ARHGEF17: variants seen among roughly 807,000 people sequenced by gnomAD.
The protein encoded by ARHGEF17 is Rho guanine nucleotide exchange factor 17, also known as 164 kDa Rho-specific guanine-nucleotide exchange factor.
Under a neutral mutation model 174.0 loss-of-function variants are expected in ARHGEF17, and 80 were observed. The observed-to-expected ratio is 0.46, with a 90% CI of 0.38 to 0.55. ARHGEF17 has a LOEUF of 0.55. Among genes scored for constraint, ARHGEF17 ranks in the 20% least tolerant of loss-of-function variants. The pLI is 0.00. For missense variants in ARHGEF17, 2,886 were observed against 2,839.7 expected (o/e 1.02, Z -0.37); for synonymous variants, 1,311 against 1,189.1 (o/e 1.10, Z -2.11).
In ARHGEF17 at chr11:73,311,207, C is replaced by T. The variant is rs772960420; in HGVS notation, c.2569C>T (p.Leu857=). 1 of 1,600,896 alleles carries T rather than the reference C, an allele frequency of 6.2e-7. No homozygotes were observed. Among genetic ancestry groups the T allele is most frequent in the Non-Finnish European group, 8.5e-7 (1 of 1,171,192 alleles). The change falls in exon 1 of 21, where the codon CTG becomes TTG. Residue 857 remains leucine (L), a synonymous_variant. Transcript: ENST00000263674. Reference sequence around the variant, plus strand: ...GCCCATCCGAGAAGTTGAGCCCATGCTGCCTCCATCCAGCAGCGAGCCCAT... The same window carrying T: ...GCCCATCCGAGAAGTTGAGCCCATGTTGCCTCCATCCAGCAGCGAGCCCAT... ...GEPIREVEPM[L]PPSSSEPILV...
chr11:73,314,950 G>A (rs1339961366), intron 1 of ARHGEF17, among the ~76,000 whole-genome samples: 2 of 152,230 alleles, frequency 1.3e-5, no homozygotes, highest in Non-Finnish European at 2.9e-5. Flanking sequence ...CAGCATCATA[G>A]GCAGATGAAC....
At position 73,356,318 on chromosome 11, in the gene ARHGEF17, G is replaced by A; in HGVS notation, c.3807G>A (p.Gln1269=). ...EEAERHARVL[Q]EIEAHIEGME... Reference sequence around the variant, plus strand: ...CGGAGCGCCATGCCCGTGTGCTGCAGGAGATAGAGGCTCACATCGAGGGCA... The same window carrying A: ...CGGAGCGCCATGCCCGTGTGCTGCAAGAGATAGAGGCTCACATCGAGGGCA... Residue 1269 remains glutamine (Q), a synonymous_variant, in exon 6 of 21, where the codon CAG becomes CAA. Coordinates refer to ENST00000263674, the MANE Select transcript of ARHGEF17 (RefSeq NM_014786.4). 1 of 1,612,778 alleles carries A rather than the reference G, an allele frequency of 6.2e-7. No homozygotes were observed. Among genetic ancestry groups the A allele is most frequent in the Non-Finnish European group, 8.5e-7 (1 of 1,180,014 alleles).
In ARHGEF17 at chr11:73,360,926, A is replaced by T. The variant is rs117998899; in HGVS notation, c.4421-162A>T. Among the ~76,000 whole-genome samples, 928 of 152,322 alleles carry T rather than the reference A, an allele frequency of 6.1e-3. 9 individuals are homozygous for T. The highest frequency in any genetic ancestry group is 0.027 in the Middle Eastern group (8 of 294). On this transcript the variant is annotated intron_variant, in intron 11 of 20. Transcript: ENST00000263674. ...AGACAATACACATGGGAAAAGATTG[A>T]GGCCAGGAGCAACTGCCTTATTCTA...
intron 2 of ARHGEF17, chr11:73,347,213 C>T (rs571380098): frequency 1.6e-5 from 9 of 566,138 alleles, no homozygotes; most frequent in South Asian, 7.9e-5. Flanking sequence ...TGTTCTTCCA[C>T]GTCCCCCTGG....
Position 73,357,206 on chromosome 11 carries a change from C to T in ARHGEF17, c.4002-36C>T, listed in dbSNP as rs200926702. 460 of 1,612,884 alleles carry T rather than the reference C, an allele frequency of 2.9e-4. 1 individual carries two copies. In the African/African-American group the frequency reaches 3.1e-3, roughly 11 times the overall value. On this transcript the variant is annotated intron_variant, in intron 8 of 20. Coordinates refer to ENST00000263674, the MANE Select transcript of ARHGEF17 (RefSeq NM_014786.4). ...TTGTCCCTCTCTGAGCCCCACTCCCCGACCCTGGCCAGAGCGCCCCATTGG... is the reference window on the plus strand; with the variant it reads ...TTGTCCCTCTCTGAGCCCCACTCCCTGACCCTGGCCAGAGCGCCCCATTGG...
At position 73,311,442 on chromosome 11, in the gene ARHGEF17, G is replaced by C. The variant is rs758564668; in HGVS notation, c.2804G>C (p.Arg935Pro). 1.2e-6 allele frequency: 2 copies of C among 1,613,194 alleles called. No individual in the cohort carries two copies. Among genetic ancestry groups the C allele is most frequent in the Admixed American group, 1.7e-5 (1 of 60,014 alleles). The change falls in exon 1 of 21, where the codon CGG becomes CCG. Residue 935 changes from arginine to proline, a missense_variant. Around this residue, in one of 4 missense-constraint regions of ARHGEF17, gnomAD observed 1,728 missense variants for 1,461.2 expected, o/e 1.18. Coordinates refer to ENST00000263674, the MANE Select transcript of ARHGEF17 (RefSeq NM_014786.4). ...RPARSSHQEL[R>P]RDEGSQDQTG... ...GCTCGGAGTAGTCACCAGGAGCTTC[G>C]GAGAGACGAGGGCAGTCAGGACCAG... is the stretch of plus-strand genomic sequence containing the variant.
chr11:73,323,073 CTCTGTGCCCAGCA>C (rs1313955788), intron 1 of ARHGEF17, among the ~76,000 whole-genome samples: 1 of 152,138 alleles, frequency 6.6e-6, no homozygotes, highest in Non-Finnish European at 1.5e-5. Context: ...TGAGCCCTGC[CTCTGTGCCCAGCA>C]AGCCTCCTGT....
chr11:73,336,299 A>G (rs984674456), intron 1 of ARHGEF17, among the ~76,000 whole-genome samples: 1 of 152,248 alleles, frequency 6.6e-6, no homozygotes, highest in African/African-American at 2.4e-5. Context: ...TGTGAGGACT[A>G]AATGAGATAA....
At chr11:73,327,853 T>TG (rs11415480) in intron 1 of ARHGEF17, among the ~76,000 whole-genome samples, 46,666 of 151,928 alleles carry the variant, frequency 0.31, 9,412 homozygotes, top group African/African-American at 0.58. Context: ...CAGATGGCTT[T>TG]CTTCAAATCC....
At chr11:73,319,414 C>T (rs1864980071) in intron 1 of ARHGEF17, among the ~76,000 whole-genome samples, 1 of 152,218 alleles carries the variant, frequency 6.6e-6, no homozygotes, top group Non-Finnish European at 1.5e-5. Flanking sequence ...TTAAAGCCTA[C>T]CTGATAATTT....
In ARHGEF17 at chr11:73,308,955, T is replaced by G; in HGVS notation, c.317T>G (p.Val106Gly). The change falls in exon 1 of 21, where the codon GTC (valine) becomes GGC (glycine). Residue 106 changes from valine (V) to glycine (G), a missense_variant. Val to Gly is a moderately radical substitution (Grantham distance 109). Around this residue, in one of 4 missense-constraint regions of ARHGEF17, gnomAD observed 1,728 missense variants for 1,461.2 expected, o/e 1.18. Transcript: ENST00000263674. ...TCCGCTGGGACCCGAGACGGAGGCG[T>G]CTTACCCGCGGCCGCGGAAGAAGCG... Reference protein sequence around the residue: ...DGSAGTRDGGVLPAAAEEAAE... With the variant: ...DGSAGTRDGGGLPAAAEEAAE... The G allele has an allele frequency of 1.5e-6, 2 of 1,358,880 alleles. No homozygotes were observed. The highest frequency in any genetic ancestry group is 1.9e-6 in the Non-Finnish European group (2 of 1,061,026). The allele number at this position is 1,358,880 out of a possible 1,614,324, so 84.2% of individuals were successfully genotyped here. A position where few individuals can be genotyped will look rare whatever the true frequency, so the allele number is the denominator to read the frequency against.
Position 73,309,200 on chromosome 11 carries a change from C to A in ARHGEF17, c.562C>A (p.Leu188Met). Residue 188 changes from leucine (L) to methionine (M), a missense_variant, in exon 1 of 21, where the codon CTG becomes ATG. Leu to Met is a conservative substitution (Grantham distance 15). Coordinates refer to ENST00000263674, the MANE Select transcript of ARHGEF17 (RefSeq NM_014786.4). ...PLAGLRSARP[L>M]TGPETEGRLR... The stretch of plus-strand genomic sequence containing the variant: ...GGCGGGTCTGCGTTCGGCGCGGCCC[C>A]TGACCGGGCCGGAGACCGAAGGGAG... 5 of 1,594,710 alleles carry A rather than the reference C, an allele frequency of 3.1e-6. No individual in the cohort carries two copies. The highest frequency in any genetic ancestry group is 4.3e-6 in the Non-Finnish European group (5 of 1,170,446).
intron 1 of ARHGEF17, among the ~76,000 whole-genome samples, chr11:73,343,743 C>T (rs2134409192): frequency 6.6e-6 from 1 of 151,864 alleles, no homozygotes; most frequent in Middle Eastern, 3.4e-3. Flanking sequence ...GTGTGTGTAC[C>T]CCTGCAGGGG....
At position 73,363,737 on chromosome 11, in the gene ARHGEF17, C is replaced by T. The variant is rs368900089; in HGVS notation, c.5247-10C>T. 41 of 1,613,752 alleles carry T rather than the reference C, an allele frequency of 2.5e-5. No homozygotes were observed. Among genetic ancestry groups the T allele is most frequent in the Non-Finnish European group, 3.2e-5 (38 of 1,179,996 alleles). On this transcript the variant is annotated splice_polypyrimidine_tract_variant and intron_variant, in intron 15 of 20. Transcript: ENST00000263674. ...AAGCATTTGTCCCAGGTGCATACCC[C>T]GATCCACAGTGTCCACGTGTACCAG...
At chr11:73,332,301 C>T (rs553355195) in intron 1 of ARHGEF17, among the ~76,000 whole-genome samples, 1 of 150,974 alleles carries the variant, frequency 6.6e-6, no homozygotes, top group African/African-American at 2.4e-5. Flanking sequence ...TGTCCAGGGC[C>T]CCTGCCCACT....
intron 2 of ARHGEF17, among the ~76,000 whole-genome samples, chr11:73,347,416 C>T (rs921461285): frequency 2.0e-5 from 3 of 152,214 alleles, no homozygotes; most frequent in African/African-American, 7.2e-5. Flanking sequence ...CACCGCCCTG[C>T]TGAGTACGTA....
At position 73,346,900 on chromosome 11, in the gene ARHGEF17, G is replaced by C. The variant is rs1364959563; in HGVS notation, c.3210G>C (p.Val1070=). Residue 1070 remains valine, a synonymous_variant, in exon 2 of 21, where the codon GTG becomes GTC. Coordinates refer to ENST00000263674, the MANE Select transcript of ARHGEF17 (RefSeq NM_014786.4). ...SKPQVDMRKH[V]AMTLLDTEQS... is the part of the protein sequence containing the mutation. ...CCCCACAGGACATGCGGAAGCACGT[G>C]GCCATGACCCTGCTGGACACAGAGC... 2.6e-6 allele frequency: 4 copies of C among 1,513,472 alleles called. No individual in the cohort carries two copies. The highest frequency in any genetic ancestry group is 3.6e-6 in the Non-Finnish European group (4 of 1,124,900). 93.8% of individuals were successfully genotyped at this position (1,513,472 alleles called of 1,614,324 possible).
At position 73,308,959 on chromosome 11, in the gene ARHGEF17, A is replaced by G; in HGVS notation, c.321A>G (p.Leu107=). 7.4e-7 allele frequency: 1 copy of G among 1,358,874 alleles called. No homozygotes were observed. The highest frequency in any genetic ancestry group is 1.5e-5 in the African/African-American group (1 of 65,026). The allele number at this position is 1,358,874 out of a possible 1,614,324, so 84.2% of individuals were successfully genotyped here. A position where few individuals can be genotyped will look rare whatever the true frequency, so the allele number is the denominator to read the frequency against. Residue 107 remains leucine (L), a synonymous_variant, in exon 1 of 21, where the codon TTA becomes TTG. Coordinates refer to ENST00000263674, the MANE Select transcript of ARHGEF17 (RefSeq NM_014786.4). The part of the protein sequence containing the change: ...GSAGTRDGGV[L]PAAAEEAAEG... ...CTGGGACCCGAGACGGAGGCGTCTT[A>G]CCCGCGGCCGCGGAAGAAGCGGCCG...
chr11:73,346,544 G>A (rs1865463639), intron 1 of ARHGEF17, among the ~76,000 whole-genome samples: 1 of 152,274 alleles, frequency 6.6e-6, no homozygotes, highest in Non-Finnish European at 1.5e-5. Flanking sequence ...TTGCAAATGT[G>A]AAAGGTTATT....
Sources: allele counts gnomAD v4.1 joint callset (sites outside exome capture counted in the v4.1 genomes callset), GRCh38; gene constraint gnomAD v4.1.1; regional missense constraint gnomAD v4.1.1; transcripts MANE v1.5; gene names NCBI Gene and HGNC (gene_info 2026-07-23, HGNC 2026-07-21).